MEP1A: variants seen among roughly 807,000 people sequenced by gnomAD.
MEP1A encodes N-benzoyl-L-tyrosyl-P-amino-benzoic acid hydrolase subunit alpha.
MEP1A carries 68 observed loss-of-function variants against 84.5 expected under a neutral mutation model. That is an observed-to-expected ratio of 0.80 (90% confidence interval 0.66 to 0.98). The LOEUF is 0.98. Ranked by LOEUF, MEP1A falls within the 50% of genes least tolerant of loss-of-function variation. The pLI is 0.00. For missense variants in MEP1A, 887 were observed against 919.9 expected, an observed-to-expected ratio of 0.96 and a Z score of 0.46; for synonymous variants, 337 against 336.8, an observed-to-expected ratio of 1.00 and a Z score of -0.01.
chr6:46,823,248 C>G (rs538619518), intron 7 of MEP1A, among the ~76,000 whole-genome samples: 1 of 152,342 alleles, frequency 6.6e-6, no homozygotes, highest in South Asian at 2.1e-4. Flanking sequence ...CCTGGCCACA[C>G]CACACTTCTG....
chr6:46,826,847 G>T (rs925907929), intron 9 of MEP1A, among the ~76,000 whole-genome samples: 1 of 152,124 alleles, frequency 6.6e-6, no homozygotes, highest in Non-Finnish European at 1.5e-5. Flanking sequence ...CATGAATCTG[G>T]CTCTGTGGCA....
chr6:46,831,611 TC>T (rs1487807053), intron 10 of MEP1A, among the ~76,000 whole-genome samples: 1 of 152,176 alleles, frequency 6.6e-6, no homozygotes, highest in Non-Finnish European at 1.5e-5. Context: ...TGGGTCTCCT[TC>T]CCAGTGCCAG....
At chr6:46,818,984 G>A (rs1767703673) in intron 6 of MEP1A, among the ~76,000 whole-genome samples, 1 of 152,098 alleles carries the variant, frequency 6.6e-6, no homozygotes, top group African/African-American at 2.4e-5. Context: ...AACATTATCT[G>A]CCTGTGGTTC....
In MEP1A at chr6:46,829,399, G is replaced by A. The variant is rs1284691696; in HGVS notation, c.972G>A (p.Ala324=). 7 of 1,613,976 alleles carry A rather than the reference G, an allele frequency of 4.3e-6. No individual in the cohort carries two copies. Among genetic ancestry groups the A allele is most frequent in the South Asian group, 2.2e-5 (2 of 91,072 alleles). The stretch of plus-strand genomic sequence containing the variant: ...AGTTCAGCACCAGCTCGGGGTCCGC[G>A]GAAGAGGCAGCCCTACTGGAGTCTC... ...FMQFSTSSGS[A]EEAALLESRI... The change falls in exon 10 of 14, where the codon GCG becomes GCA. Residue 324 remains alanine, a synonymous_variant. Transcript: ENST00000230588.
At chr6:46,793,614 A>G in intron 2 of MEP1A, 38 bp downstream of exon 2, 2 of 1,574,770 alleles carry the variant, frequency 1.3e-6, no homozygotes, top group Non-Finnish European at 1.7e-6. Flanking sequence ...GTGTTTTTGA[A>G]CTTTTTTCCT....
chr6:46,827,447 T>G (rs1767973583), intron 9 of MEP1A, among the ~76,000 whole-genome samples: 1 of 152,232 alleles, frequency 6.6e-6, no homozygotes, highest in African/African-American at 2.4e-5. Context: ...TAGTATTCTG[T>G]GCCTGCCATT....
intron 6 of MEP1A, among the ~76,000 whole-genome samples, chr6:46,813,192 C>G (rs2150746715): frequency 6.6e-6 from 1 of 151,890 alleles, no homozygotes; most frequent in African/African-American, 2.4e-5. Context: ...CACTCCTTTA[C>G]CTTAAGTTTA....
intron 3 of MEP1A, among the ~76,000 whole-genome samples, chr6:46,795,682 G>T (rs575930410): frequency 1.3e-5 from 2 of 152,206 alleles, no homozygotes; most frequent in African/African-American, 4.8e-5. Context: ...TCATGTCTGG[G>T]CTGGTCCTTT....
intron 10 of MEP1A, 33 bp from the exon 11 acceptor site, chr6:46,833,041 A>G (rs1419299431): frequency 1.0e-5 from 13 of 1,266,708 alleles, no homozygotes; most frequent in South Asian, 1.5e-5. Context: ...AGTGTTGGTC[A>G]CAGTTCTCAC....
chr6:46,842,763 G>T (rs146151181), downstream of MEP1A, among the ~76,000 whole-genome samples: 2,412 of 152,182 alleles, frequency 0.016, 57 homozygotes, highest in African/African-American at 0.042. Context: ...ATAAAAACTT[G>T]CTGGTTTTGC....
downstream of MEP1A, among the ~76,000 whole-genome samples, chr6:46,844,091 T>A (rs1254901352): frequency 6.6e-6 from 1 of 152,236 alleles, no homozygotes; most frequent in East Asian, 1.9e-4. Context: ...CTTATAAATA[T>A]GGTTAAAACA....
At chr6:46,797,724 C>T (rs907940862) in intron 3 of MEP1A, among the ~76,000 whole-genome samples, 1 of 152,126 alleles carries the variant, frequency 6.6e-6, no homozygotes, top group Non-Finnish European at 1.5e-5. Context: ...CACTTCATGT[C>T]TCTGGACTCT....
At chr6:46,811,356 CTAGGAGCTTTTTGGATGAGTCTT>C (rs1252345631) in intron 6 of MEP1A, among the ~76,000 whole-genome samples, 1 of 151,850 alleles carries the variant, frequency 6.6e-6, no homozygotes, top group Non-Finnish European at 1.5e-5. Flanking sequence ...TTTACCAGTT[CTAGGAGCTTTTTGGATGAGTCTT>C]TAGGGTTTTT....
At chr6:46,801,193 CCAAA>C (rs1307437271) in intron 5 of MEP1A, among the ~76,000 whole-genome samples, 1 of 152,048 alleles carries the variant, frequency 6.6e-6, no homozygotes, top group Non-Finnish European at 1.5e-5. Flanking sequence ...TAAGAAAACG[CCAAA>C]CAGTTTTCCA....
At chr6:46,843,898 A>G (rs1474345658), downstream of MEP1A, among the ~76,000 whole-genome samples, 1 of 152,234 alleles carries the variant, frequency 6.6e-6, no homozygotes, top group Non-Finnish European at 1.5e-5. Context: ...GAGCCACTTA[A>G]TAGCAGAATC....
At chr6:46,802,975 C>T (rs1043579724) in intron 5 of MEP1A, among the ~76,000 whole-genome samples, 2 of 151,504 alleles carry the variant, frequency 1.3e-5, no homozygotes, top group Non-Finnish European at 3.0e-5. Context: ...TTCTAATTTA[C>T]CTTTTTGTAA....
downstream of MEP1A, among the ~76,000 whole-genome samples, chr6:46,840,582 G>A (rs1290693174): frequency 6.6e-6 from 1 of 152,148 alleles, no homozygotes; most frequent in Non-Finnish European, 1.5e-5. Context: ...CTGCAGGCTT[G>A]GATTGCCCAT....
Position 46,833,287 on chromosome 6 carries a change from A to G in MEP1A, c.1358A>G (p.Lys453Arg). 6.2e-7 allele frequency: 1 copy of G among 1,614,226 alleles called. No individual in the cohort carries two copies. The highest frequency in any genetic ancestry group is 8.5e-7 in the Non-Finnish European group (1 of 1,180,046). ...CTTGAGAACACCAGCAAAGGGGACA[A>G]GCTTCAGAGCCCTCGATTCTACAAT... ...QVLENTSKGD[K>R]LQSPRFYNSE... The change falls in exon 11 of 14, where the codon AAG becomes AGG. Residue 453 changes from lysine (K) to arginine (R), a missense_variant. Lys to Arg is a conservative substitution (Grantham distance 26). Coordinates refer to ENST00000230588, the MANE Select transcript of MEP1A (RefSeq NM_005588.3).
intron 6 of MEP1A, among the ~76,000 whole-genome samples, chr6:46,815,367 G>T (rs1344203853): frequency 6.6e-6 from 1 of 152,172 alleles, no homozygotes; most frequent in Admixed American, 6.5e-5. Flanking sequence ...CCAAGGAAGT[G>T]GGGAAAAGCC....
Sources: allele counts gnomAD v4.1 joint callset (sites outside exome capture counted in the v4.1 genomes callset), GRCh38; gene constraint gnomAD v4.1.1; transcripts MANE v1.5; gene names NCBI Gene and HGNC (gene_info 2026-07-23, HGNC 2026-07-21).